The following SLC22A24 variants were observed in gnomAD, a reference collection of about 807,000 sequenced individuals.
SLC22A24 encodes solute carrier family 22 member 24, also known as steroid transmembrane transporter SLC22A24.
SLC22A24 carries 53 observed loss-of-function variants against 49.8 expected under a neutral mutation model. The ratio of observed to expected loss-of-function variants is 1.06; its 90% confidence interval spans 0.85 to 1.34. SLC22A24 has a LOEUF of 1.34. Among genes scored for constraint, SLC22A24 ranks in the 40% most tolerant of loss-of-function variants. SLC22A24 has a pLI of 0.00. For missense variants in SLC22A24, 786 were observed against 675.9 expected, an observed-to-expected ratio of 1.16 and a Z score of -1.81; for synonymous variants, 302 against 256.4, an observed-to-expected ratio of 1.18 and a Z score of -1.70.
intron 2 of SLC22A24, among the ~76,000 whole-genome samples, chr11:63,124,728 C>T (rs1590746073): frequency 6.6e-6 from 1 of 152,114 alleles, no homozygotes; most frequent in African/African-American, 2.4e-5. Flanking sequence ...TTAAACATTT[C>T]AAATTAAAAT....
At chr11:63,122,777 C>T (rs2087261236) in intron 2 of SLC22A24, among the ~76,000 whole-genome samples, 1 of 152,172 alleles carries the variant, frequency 6.6e-6, no homozygotes, top group Admixed American at 6.5e-5. Flanking sequence ...GCCTCGGCCT[C>T]CCAAAGTGCT....
chr11:63,119,220 A>G lies in SLC22A24; in HGVS notation c.622T>C (p.Phe208Leu). The change falls in exon 3 of 10, where the codon TTC becomes CTC. Residue 208 changes from phenylalanine (F) to leucine (L), a missense_variant. Physicochemically the swap from Phe to Leu is conservative, Grantham distance 22. Coordinates refer to ENST00000612278, the MANE Select transcript of SLC22A24 (RefSeq NM_001136506.2). ...TTTCCCAAAATAGTCATGGTGGAGA[A>G]CCCTGCCAAGAAGCGCAGTATGCAG... ...VYCILRFLAG[F>L]STMTILGNTF... 6.5e-7 allele frequency: 1 copy of G among 1,550,210 alleles called. No individual in the cohort carries two copies. The highest frequency in any genetic ancestry group is 2.4e-5 in the East Asian group (1 of 40,908).
rs935803181 is a variant in SLC22A24, at chr11:63,089,985, G to A, written c.1070+6006C>T. Among the ~76,000 whole-genome samples the A allele has an allele frequency of 2.7e-5, 4 of 149,010 alleles. No individual in the cohort carries two copies. The South Asian group carries it at 8.5e-4, about 32-fold the overall frequency. On this transcript the variant is annotated intron_variant, in intron 6 of 9. Coordinates refer to ENST00000612278, the MANE Select transcript of SLC22A24 (RefSeq NM_001136506.2). ...CGTCCCAGCTACTCGGGAGGCTGAG[G>A]CAGGAGAATGGCGTGAACCCAGGAG...
At chr11:63,114,335 C>G (rs763717141) in intron 4 of SLC22A24, among the ~76,000 whole-genome samples, 1 of 152,124 alleles carries the variant, frequency 6.6e-6, no homozygotes, top group African/African-American at 2.4e-5. Context: ...CACTGATACC[C>G]TTTCTTCCAC....
chr11:63,118,597 A>G, intron 4 of SLC22A24: 1 of 534,888 alleles, frequency 1.9e-6, no homozygotes, highest in Non-Finnish European at 3.3e-6. Flanking sequence ...AAGCCCCCAA[A>G]TTATCTCCAT....
In SLC22A24 at chr11:63,143,580, A is replaced by G; in HGVS notation, c.200T>C (p.Leu67Pro). The change falls in exon 1 of 10, where the codon CTC becomes CCC. Residue 67 changes from leucine (L) to proline (P), a missense_variant. Transcript: ENST00000612278. ...DTVSDNDTGT[L>P]SKDDLLRISI... ...GATTCTCAGGAGGTCATCCTTGCTG[A>G]GGGTCCCGGTATCATTGTCAGACAC... The G allele has an allele frequency of 6.4e-7, 1 of 1,569,220 alleles. No individual in the cohort carries two copies. The highest frequency in any genetic ancestry group is 8.6e-7 in the Non-Finnish European group (1 of 1,158,902).
At position 63,081,004 on chromosome 11, in the gene SLC22A24, G is replaced by A. The variant is rs1344930239; in HGVS notation, c.1514C>T (p.Pro505Leu). Residue 505 changes from proline to leucine, a missense_variant, in exon 9 of 10, where the codon CCC becomes CTC. By Grantham distance (98) the Pro-to-Leu change is moderately conservative (BLOSUM62 -3). Coordinates refer to ENST00000612278, the MANE Select transcript of SLC22A24 (RefSeq NM_001136506.2). ...HLPWISYGVF[P>L]ILAVPVILLL... is the part of the protein sequence containing the mutation. ...GAGGATAACAGGGACAGCAAGGATG[G>A]GGAAGACTCCATAGGAAATCCAGGG... is the stretch of plus-strand genomic sequence containing the variant. 3 of 1,551,998 alleles carry A rather than the reference G, an allele frequency of 1.9e-6. No individual in the cohort carries two copies. The highest frequency in any genetic ancestry group is 4.9e-5 in the East Asian group (2 of 40,928).
At chr11:63,085,398 T>A (rs746562706) in intron 6 of SLC22A24, among the ~76,000 whole-genome samples, 15 of 152,166 alleles carry the variant, frequency 9.9e-5, no homozygotes, top group Non-Finnish European at 2.1e-4. Context: ...GAGGTGTTTT[T>A]AAATTATAGT....
At chr11:63,135,794 T>C (rs2226867) in intron 1 of SLC22A24, among the ~76,000 whole-genome samples, 117,967 of 152,156 alleles carry the variant, frequency 0.78, 47,353 homozygotes, top group East Asian at 0.9. Flanking sequence ...ACATCAACAA[T>C]GCATTTGACC....
At chr11:63,084,414 G>A (rs2086976122) in intron 6 of SLC22A24, among the ~76,000 whole-genome samples, 1 of 152,170 alleles carries the variant, frequency 6.6e-6, no homozygotes, top group African/African-American at 2.4e-5. Flanking sequence ...GTGGAAAGAG[G>A]AAAGGAGAAA....
intron 4 of SLC22A24, among the ~76,000 whole-genome samples, chr11:63,111,815 A>G (rs1033045874): frequency 2.0e-3 from 306 of 152,034 alleles, no homozygotes; most frequent in African/African-American, 7.1e-3. Context: ...TGGATTCATT[A>G]ATTTTTTGAA....
chr11:63,134,413 T>G (rs1025761063), intron 2 of SLC22A24, among the ~76,000 whole-genome samples: 1 of 152,216 alleles, frequency 6.6e-6, no homozygotes, highest in African/African-American at 2.4e-5. Flanking sequence ...TCCTGAAACT[T>G]CTTTGAATCT....
chr11:63,095,412 GT>G (rs1217734112), intron 6 of SLC22A24, among the ~76,000 whole-genome samples: 1 of 152,104 alleles, frequency 6.6e-6, no homozygotes, highest in Non-Finnish European at 1.5e-5. Context: ...CCAAATTACT[GT>G]TATGCAAGAC....
At chr11:63,098,701 A>ACTAAACAAT (rs1565326701) in intron 5 of SLC22A24, among the ~76,000 whole-genome samples, 1 of 152,088 alleles carries the variant, frequency 6.6e-6, no homozygotes, top group Non-Finnish European at 1.5e-5. Flanking sequence ...AAATAAAAAA[A>ACTAAACAAT]CTAAACAATC....
chr11:63,105,013 A>G (rs1015141801), intron 4 of SLC22A24, among the ~76,000 whole-genome samples: 1 of 152,180 alleles, frequency 6.6e-6, no homozygotes, highest in African/African-American at 2.4e-5. Context: ...AGTGGATTTG[A>G]CCAAAATGAA....
chr11:63,134,486 C>G (rs1442599631), intron 2 of SLC22A24, among the ~76,000 whole-genome samples, 179 bp downstream of exon 2: 1 of 152,158 alleles, frequency 6.6e-6, no homozygotes, highest in Non-Finnish European at 1.5e-5. Context: ...TAATACCCAA[C>G]TATCATTTCT....
intron 8 of SLC22A24, 76 bp downstream of exon 8, chr11:63,081,482 A>T: frequency 1.0e-6 from 1 of 998,456 alleles, no homozygotes; most frequent in African/African-American, 1.6e-5. Context: ...AAACAGTGTC[A>T]GTCTTTCATT....
chr11:63,087,879 G>A (rs1590728486), intron 6 of SLC22A24, among the ~76,000 whole-genome samples: 1 of 152,314 alleles, frequency 6.6e-6, no homozygotes, highest in East Asian at 1.9e-4. Context: ...ACCGGGCAAA[G>A]CATCTCTGAA....
chr11:63,087,093 T>C (rs1010640637), intron 6 of SLC22A24, among the ~76,000 whole-genome samples: 1 of 136,266 alleles, frequency 7.3e-6, no homozygotes, highest in African/African-American at 2.8e-5. Flanking sequence ...GAAACCCAAG[T>C]AAGTAGAAGC....
Sources: allele counts gnomAD v4.1 joint callset (sites outside exome capture counted in the v4.1 genomes callset), GRCh38; gene constraint gnomAD v4.1.1; transcripts MANE v1.5; gene names NCBI Gene and HGNC (gene_info 2026-07-23, HGNC 2026-07-21).